ATG4A: variants seen among roughly 807,000 people sequenced by gnomAD.
The protein encoded by ATG4A is autophagy related 4A cysteine peptidase.
A neutral mutation model predicts 38.4 loss-of-function variants in ATG4A; 22 were observed. The observed-to-expected ratio is 0.57, with a 90% CI of 0.41 to 0.82. The LOEUF (loss-of-function observed/expected upper bound fraction) is 0.82, where lower values mean the gene tolerates loss of function less well. ATG4A is among the 40% of genes least tolerant of loss of function. The pLI, the probability that ATG4A is intolerant of heterozygous loss-of-function variation, is 0.00. For missense variants in ATG4A, 220 were observed against 290.0 expected (o/e 0.76, Z 1.75); for synonymous variants, 86 against 100.7 (o/e 0.85, Z 0.88).
intron 1 of ATG4A, among the ~76,000 whole-genome samples, chrX:108,105,336 A>G (rs984444931): frequency 9.0e-6 from 1 of 111,193 alleles, no homozygotes; most frequent in South Asian, 3.8e-4. Context: ...TGTGTAGGTA[A>G]TTTCTCAACT....
chrX:108,091,795 C>T lies in ATG4A; in HGVS notation c.-32C>T. The T allele has an allele frequency of 8.3e-7, 1 of 1,210,565 alleles. No individual in the cohort carries two copies. The highest frequency in any genetic ancestry group is 1.8e-5 in the South Asian group (1 of 56,918). On this transcript the variant is annotated 5_prime_UTR_variant, in exon 1 of 13. Transcript: ENST00000372232. The stretch of plus-strand genomic sequence containing the variant: ...GACCGTCCGTCCGTAGTCAAGTTGC[C>T]GGTGGAATTGGCCCAGGATGACAGC...
chrX:108,118,498 C>T (rs2032570318), intron 1 of ATG4A, among the ~76,000 whole-genome samples: 1 of 111,520 alleles, frequency 9.0e-6, no homozygotes, highest in Non-Finnish European at 1.9e-5. Flanking sequence ...GGTAATGGTC[C>T]CTGCCCTGTC....
At chrX:108,111,523 T>A (rs755118963) in intron 1 of ATG4A, among the ~76,000 whole-genome samples, 1 of 111,962 alleles carries the variant, frequency 8.9e-6, no homozygotes, top group African/African-American at 3.2e-5. Context: ...GCCCTGGCAG[T>A]ACTGCATAAG....
chrX:108,107,393 C>T (rs1408261565), intron 1 of ATG4A, among the ~76,000 whole-genome samples: 1 of 111,892 alleles, frequency 8.9e-6, no homozygotes, highest in Non-Finnish European at 1.9e-5. Context: ...TATTTCTTTG[C>T]TGAGACTTTC....
chrX:108,099,856 C>T (rs2031949623), intron 1 of ATG4A, among the ~76,000 whole-genome samples: 1 of 111,874 alleles, frequency 8.9e-6, no homozygotes, highest in Non-Finnish European at 1.9e-5. Context: ...CCATACCACA[C>T]AGTGTTGAAT....
chrX:108,145,539 C>T, intron 9 of ATG4A, among the ~76,000 whole-genome samples: 1 of 112,787 alleles, frequency 8.9e-6, no homozygotes, highest in Non-Finnish European at 1.9e-5. Context: ...CAATAATCCA[C>T]TGTCATTCTC....
chrX:108,140,819 A>T (rs2148015722), intron 9 of ATG4A, among the ~76,000 whole-genome samples: 1 of 98,359 alleles, frequency 1.0e-5, no homozygotes, highest in Non-Finnish European at 2.0e-5. Flanking sequence ...ATATATATAA[A>T]ATGTATTACA....
chrX:108,105,237 G>A (rs1401657715), intron 1 of ATG4A, among the ~76,000 whole-genome samples: 2 of 111,479 alleles, frequency 1.8e-5, no homozygotes, highest in Non-Finnish European at 1.9e-5. Context: ...GACTGGCTTT[G>A]TACAGGGAAA....
intron 6 of ATG4A, among the ~76,000 whole-genome samples, chrX:108,135,304 A>G (rs1297026953): frequency 8.9e-6 from 1 of 112,520 alleles, no homozygotes; most frequent in South Asian, 3.7e-4. Flanking sequence ...ATCTGAGGCC[A>G]GATTTAGGGA....
chrX:108,141,093 T>C (rs1328500604), intron 9 of ATG4A, among the ~76,000 whole-genome samples: 1 of 80,230 alleles, frequency 1.2e-5, no homozygotes. Context: ...TATATATATA[T>C]ATATATATAT....
Position 108,137,909 on chromosome X carries a change from C to A in ATG4A, c.653C>A (p.Ser218Ter). The A allele has an allele frequency of 1.7e-6, 2 of 1,208,965 alleles. No individual in the cohort carries two copies. The highest frequency in any genetic ancestry group is 2.2e-6 in the Non-Finnish European group (2 of 894,359). Residue 218 changes from serine (S) to a stop codon, truncating the protein, a stop_gained, in exon 8 of 13, where the codon TCA (serine) becomes TAA (stop). Coordinates refer to ENST00000372232, the MANE Select transcript of ATG4A (RefSeq NM_052936.5). LOFTEE classifies it high-confidence loss of function. ...AGTAAGGGCACCTCTGCCTACTGCTCAGCCTGGAAACCCCTGCTGCTCATT... is the reference window on the plus strand; with the variant it reads ...AGTAAGGGCACCTCTGCCTACTGCTAAGCCTGGAAACCCCTGCTGCTCATT... Reference protein sequence around the residue: ...NQSKGTSAYCSAWKPLLLIVP... With the variant: ...NQSKGTSAYC
At chrX:108,103,200 T>A (rs1180265997) in intron 1 of ATG4A, among the ~76,000 whole-genome samples, 1 of 112,202 alleles carries the variant, frequency 8.9e-6, no homozygotes, top group Non-Finnish European at 1.9e-5. Flanking sequence ...TATTGCATGG[T>A]GCAGATGTAC....
At chrX:108,109,034 A>G (rs1251823699) in intron 1 of ATG4A, among the ~76,000 whole-genome samples, 4 of 111,996 alleles carry the variant, frequency 3.6e-5, no homozygotes, top group Non-Finnish European at 7.5e-5. Flanking sequence ...TGGAAGTAGG[A>G]TTGCTGGATC....
chrX:108,101,540 C>T (rs1478947808), intron 1 of ATG4A, among the ~76,000 whole-genome samples: 1 of 109,485 alleles, frequency 9.1e-6, no homozygotes, highest in Non-Finnish European at 1.9e-5. Context: ...ATTTCCATCT[C>T]AGCACTGCTT....
chrX:108,128,813 C>T lies in ATG4A; in HGVS notation c.154C>T (p.Arg52Cys), dbSNP rs756276852. 4.2e-6 allele frequency: 5 copies of T among 1,186,545 alleles called. No individual in the cohort carries two copies. The highest frequency in any genetic ancestry group is 3.4e-6 in the Non-Finnish European group (3 of 883,700). Residue 52 changes from arginine (R) to cysteine (C), a missense_variant, in exon 3 of 13, where the codon CGT becomes TGT. Arg to Cys is a radical substitution (Grantham distance 180). Around this residue, in one of 3 missense-constraint regions of ATG4A, gnomAD observed 61 missense variants for 83.3 expected, o/e 0.73. Transcript: ENST00000372232. ...TAAGCTGTTGTCTGATATAAGTGCTCGTCTATGGTTTACATACAGAAGGAA... is the reference window on the plus strand; with the variant it reads ...TAAGCTGTTGTCTGATATAAGTGCTTGTCTATGGTTTACATACAGAAGGAA... The part of the protein sequence containing the change: ...KSKLLSDISA[R>C]LWFTYRRKFS...
chrX:108,131,023 C>T (rs974939145), intron 3 of ATG4A, among the ~76,000 whole-genome samples: 1 of 111,826 alleles, frequency 8.9e-6, no homozygotes, highest in African/African-American at 3.3e-5. Context: ...ATAAGGGACA[C>T]ATTTAGTTCA....
intron 2 of ATG4A, chrX:108,126,691 G>A (rs2032806848): frequency 1.1e-6 from 1 of 881,431 alleles, no homozygotes. Flanking sequence ...GCTGACCGTA[G>A]CACTGTCTCA....
At chrX:108,146,372 A>G (rs1453553732) in intron 9 of ATG4A, among the ~76,000 whole-genome samples, 3 of 111,837 alleles carry the variant, frequency 2.7e-5, no homozygotes, top group Non-Finnish European at 5.6e-5. Context: ...CCAGAGCTCT[A>G]CACGAGTCAG....
At chrX:108,152,912 G>A in intron 11 of ATG4A, 67 bp from the exon 12 acceptor site, 1 of 876,289 alleles carries the variant, frequency 1.1e-6, no homozygotes, top group East Asian at 3.2e-5. Flanking sequence ...AGGGTTTGGG[G>A]TCAAAGATTG....
Sources: gnomAD v4.1 joint callset for allele counts (sites outside exome capture counted in the v4.1 genomes callset) on GRCh38, gnomAD v4.1.1 for gene constraint, gnomAD v4.1.1 regional missense constraint, MANE v1.5 for transcripts, NCBI Gene and HGNC (gene_info 2026-07-23, HGNC 2026-07-21) for gene names.